PCDH19: variants seen among roughly 807,000 people sequenced by gnomAD.
The protein encoded by PCDH19 is protocadherin 19.
PCDH19 carries 6 observed loss-of-function variants against 46.2 expected under a neutral mutation model. The observed-to-expected ratio is 0.13, with a 90% CI of 0.07 to 0.26. The LOEUF is 0.26. PCDH19 is among the 10% of genes least tolerant of loss of function. PCDH19 has a pLI of 1.00. For missense variants in PCDH19, 740 were observed against 972.3 expected (o/e 0.76, Z 3.18); for synonymous variants, 481 against 415.7 (o/e 1.16, Z -1.91).
At chrX:100,405,540 CT>C (rs1237130660) in intron 1 of PCDH19, among the ~76,000 whole-genome samples, 1 of 103,265 alleles carries the variant, frequency 9.7e-6, no homozygotes, top group Non-Finnish European at 2.0e-5. Flanking sequence ...TTTCCTCCCC[CT>C]TCTATCCCTC....
At chrX:100,331,632 T>C (rs918497489) in intron 5 of PCDH19, among the ~76,000 whole-genome samples, 1 of 111,844 alleles carries the variant, frequency 8.9e-6, no homozygotes, top group African/African-American at 3.3e-5. Flanking sequence ...TCCCCACCTG[T>C]TAAGGGAGGG....
At chrX:100,298,495 G>T (rs1378737916) in intron 5 of PCDH19, among the ~76,000 whole-genome samples, 2 of 111,781 alleles carry the variant, frequency 1.8e-5, no homozygotes, top group Non-Finnish European at 3.8e-5. Context: ...CCCCCTTTCA[G>T]TGCTGGGCAA....
rs1928397401 is a variant in PCDH19, at chrX:100,407,291, G to A, written c.1307C>T (p.Ala436Val). Reference protein sequence around the residue: ...RDGGVPMLQSAKSFTVLITDE... With the variant: ...RDGGVPMLQSVKSFTVLITDE... ...AGTGATGAGCACGGTAAAGGACTTG[G>A]CACTCTGCAGCATGGGCACGCCGCC... Residue 436 changes from alanine to valine, a missense_variant, in exon 1 of 6, where the codon GCC (alanine) becomes GTC (valine). Ala to Val is a moderately conservative substitution (Grantham distance 64). This residue lies in a region of PCDH19 where 186 missense variants were observed against 319.9 expected (regional missense o/e 0.58). Coordinates refer to ENST00000373034, the MANE Select transcript of PCDH19 (RefSeq NM_001184880.2). 8.3e-7 allele frequency: 1 copy of A among 1,210,572 alleles called. No individual in the cohort carries two copies. The highest frequency in any genetic ancestry group is 1.1e-6 in the Non-Finnish European group (1 of 895,229).
At chrX:100,384,582 ATCT>A (rs1442773549) in intron 3 of PCDH19, among the ~76,000 whole-genome samples, 1 of 110,077 alleles carries the variant, frequency 9.1e-6, no homozygotes, top group Non-Finnish European at 1.9e-5. Flanking sequence ...TTTTTTTTGA[ATCT>A]TCCTTTTATT....
chrX:100,362,858 A>C (rs1414740468), intron 3 of PCDH19, among the ~76,000 whole-genome samples: 1 of 110,716 alleles, frequency 9.0e-6, no homozygotes, highest in African/African-American at 3.3e-5. Flanking sequence ...GCTTCAAAAA[A>C]AAAAGCACAT....
At chrX:100,353,437 G>A (rs559019141) in intron 3 of PCDH19, among the ~76,000 whole-genome samples, 1 of 111,776 alleles carries the variant, frequency 8.9e-6, no homozygotes, top group South Asian at 3.8e-4. Flanking sequence ...ATGAAGCTCC[G>A]CGGAGACCTG....
At chrX:100,331,729 T>C (rs894777901) in intron 5 of PCDH19, among the ~76,000 whole-genome samples, 6 of 111,667 alleles carry the variant, frequency 5.4e-5, no homozygotes, top group African/African-American at 2.0e-4. Context: ...TTTTAAAGTA[T>C]AGCACTTTCT....
rs1379025247 is a variant in PCDH19, at chrX:100,294,062, G to T, written c.*2215C>A. 1 of 111,849 alleles carries T rather than the reference G, an allele frequency of 8.9e-6. No individual in the cohort carries two copies. Among genetic ancestry groups the T allele is most frequent in the African/African-American group, 3.3e-5 (1 of 30,713 alleles). 9.2% of individuals were successfully genotyped at this position (111,849 alleles called of 1,213,427 possible). ...TAGCTAATAACATAATATCAGGATG[G>T]ATCAGGGTGAGAAACAGTCTAAATT... On this transcript the variant is annotated 3_prime_UTR_variant, in exon 6 of 6. Coordinates refer to ENST00000373034, the MANE Select transcript of PCDH19 (RefSeq NM_001184880.2).
intron 3 of PCDH19, among the ~76,000 whole-genome samples, chrX:100,358,699 C>G (rs1290928448): frequency 8.9e-6 from 1 of 112,158 alleles, no homozygotes; most frequent in Non-Finnish European, 1.9e-5. Context: ...TTTTCTAAGT[C>G]CTTTGTGGGG....
intron 3 of PCDH19, among the ~76,000 whole-genome samples, chrX:100,365,365 T>C (rs756505506): frequency 9.0e-6 from 1 of 111,662 alleles, no homozygotes; most frequent in Admixed American, 9.5e-5. Context: ...CAGTAGAAAA[T>C]GGAAGCCCAA....
At chrX:100,339,980 T>C (rs1926206334) in intron 5 of PCDH19, among the ~76,000 whole-genome samples, 1 of 111,389 alleles carries the variant, frequency 9.0e-6, no homozygotes, top group Non-Finnish European at 1.9e-5. Context: ...TCTTGGAGTA[T>C]TGCCACACAT....
At position 100,291,783 on chromosome X, in the gene PCDH19, ATAATT is replaced by A. The variant is rs1451555052; in HGVS notation, c.*4489_*4493del. 1 of 113,423 alleles carries A rather than the reference ATAATT, an allele frequency of 8.8e-6. No homozygotes were observed. The highest frequency in any genetic ancestry group is 9.3e-5 in the Admixed American group (1 of 10,757). The allele number at this position is 113,423 out of a possible 1,213,427, so 9.3% of individuals were successfully genotyped here. A position where few individuals can be genotyped will look rare whatever the true frequency, so the allele number is the denominator to read the frequency against. ...TAACACCATTTGAAACATAACTGTA[ATAATT>A]TAATAAAGCTGCTTTATCATCTTCA... On this transcript the variant is annotated 3_prime_UTR_variant, in exon 6 of 6. Coordinates refer to ENST00000373034, the MANE Select transcript of PCDH19 (RefSeq NM_001184880.2).
Position 100,296,128 on chromosome X carries a change from A to C in PCDH19, c.*149T>G, listed in dbSNP as rs1924592148. The C allele has an allele frequency of 3.8e-6, 2 of 523,524 alleles. No homozygotes were observed. Among genetic ancestry groups the C allele is most frequent in the Non-Finnish European group, 6.6e-6 (2 of 302,121 alleles). 43.1% of individuals were successfully genotyped at this position (523,524 alleles called of 1,213,427 possible). A position where few individuals can be genotyped will look rare whatever the true frequency, so the allele number is the denominator to read the frequency against. On this transcript the variant is annotated 3_prime_UTR_variant, in exon 6 of 6. Coordinates refer to ENST00000373034, the MANE Select transcript of PCDH19 (RefSeq NM_001184880.2). ...GCCTGTTGAAACAAGGGACTGTCACAGAATGATAATCACCTATAAACAATA... is the reference window on the plus strand; with the variant it reads ...GCCTGTTGAAACAAGGGACTGTCACCGAATGATAATCACCTATAAACAATA...
At chrX:100,361,725 T>C (rs575300036) in intron 3 of PCDH19, among the ~76,000 whole-genome samples, 8 of 111,737 alleles carry the variant, frequency 7.2e-5, no homozygotes, top group Admixed American at 9.5e-5. Context: ...CTCTACTACA[T>C]AGAAGCATCT....
intron 5 of PCDH19, among the ~76,000 whole-genome samples, chrX:100,333,183 G>GAGAGAGAAAGAA (rs1489789460): frequency 2.5e-4 from 11 of 43,463 alleles, no homozygotes; most frequent in African/African-American, 7.8e-4. Context: ...GGGAGAGAGA[G>GAGAGAGAAAGAA]AGAAAGAAAG....
rs938858710 is a variant in PCDH19, at chrX:100,342,092, A to G, written c.2676-17T>C. The G allele has an allele frequency of 3.3e-6, 4 of 1,194,505 alleles. No homozygotes were observed. In the African/African-American group the frequency reaches 5.3e-5, roughly 16 times the overall value. ...GTGGAGCTGCTGGGTTGAAGACAGAATGATAATTTACGACCGTGACAGATC... is the reference window on the plus strand; with the variant it reads ...GTGGAGCTGCTGGGTTGAAGACAGAGTGATAATTTACGACCGTGACAGATC... On this transcript the variant is annotated splice_polypyrimidine_tract_variant and intron_variant, in intron 4 of 5. Transcript: ENST00000373034.
At chrX:100,388,891 A>T (rs779328076) in intron 3 of PCDH19, among the ~76,000 whole-genome samples, 19 of 111,615 alleles carry the variant, frequency 1.7e-4, no homozygotes, top group Non-Finnish European at 2.8e-4. Flanking sequence ...ACTTTTTAGT[A>T]GTAAGTAGGC....
intron 3 of PCDH19, among the ~76,000 whole-genome samples, chrX:100,353,417 T>A (rs1449723352): frequency 8.9e-6 from 1 of 112,074 alleles, no homozygotes; most frequent in Non-Finnish European, 1.9e-5. Flanking sequence ...GTGTGCACTC[T>A]GCATCAAATA....
chrX:100,389,579 G>T (rs1465831100), intron 3 of PCDH19, among the ~76,000 whole-genome samples: 1 of 111,083 alleles, frequency 9.0e-6, no homozygotes, highest in African/African-American at 3.3e-5. Flanking sequence ...TGAGGTAAAG[G>T]CTATGTTAAT....
Sources: allele counts gnomAD v4.1 joint callset (sites outside exome capture counted in the v4.1 genomes callset), GRCh38; gene constraint gnomAD v4.1.1; regional missense constraint gnomAD v4.1.1; transcripts MANE v1.5; gene names NCBI Gene and HGNC (gene_info 2026-07-23, HGNC 2026-07-21).